Variants in PRKN observed in about 807,000 individuals in gnomAD.
PRKN encodes parkin RBR E3 ubiquitin protein ligase, also known as E3 ubiquitin-protein ligase parkin.
PRKN carries 56 observed loss-of-function variants against 59.5 expected under a neutral mutation model. That is an observed-to-expected ratio of 0.94 (90% CI 0.76 to 1.18). The LOEUF (loss-of-function observed/expected upper bound fraction) is 1.18. Ranked by LOEUF, PRKN falls within the 50% of genes most tolerant of loss-of-function variation. PRKN has a pLI of 0.00. For synonymous variants in PRKN, 250 were observed against 222.1 expected (o/e 1.13, Z -1.12); for missense variants, 657 against 596.4 (o/e 1.10, Z -1.06).
At chr6:161,537,537 T>C (rs192071390) in intron 9 of PRKN, among the ~76,000 whole-genome samples, 28 of 152,050 alleles carry the variant, frequency 1.8e-4, no homozygotes, top group East Asian at 7.8e-4. Flanking sequence ...CTGCAAGCTC[T>C]GCCTCCCAGG....
chr6:162,137,255 A>T (rs1395198437), intron 4 of PRKN, among the ~76,000 whole-genome samples: 1 of 152,216 alleles, frequency 6.6e-6, no homozygotes, highest in Non-Finnish European at 1.5e-5. Flanking sequence ...TTAGAAATCA[A>T]ACAAGTCTGG....
intron 2 of PRKN, among the ~76,000 whole-genome samples, chr6:162,392,036 A>G (rs1354368381): frequency 6.6e-6 from 1 of 150,926 alleles, no homozygotes; most frequent in Non-Finnish European, 1.5e-5. Flanking sequence ...CCATTTCATG[A>G]TTTTTTTTTC....
rs77930367 is a variant in PRKN, at chr6:162,603,525, G to T, written c.7+124137C>A. ...GAGTAGATGGGACAAAGAACCTTAC[G>T]GCCCCCAAAGCTGAAAATATTTACC... On this transcript the variant is annotated intron_variant, in intron 1 of 11. Coordinates refer to ENST00000366898, the MANE Select transcript of PRKN (RefSeq NM_004562.3). Among the ~76,000 whole-genome samples, 808 of 152,162 alleles carry T rather than the reference G, an allele frequency of 5.3e-3. 23 individuals are homozygous for T. The East Asian group carries it at 0.066, about 12-fold the overall frequency.
intron 7 of PRKN, among the ~76,000 whole-genome samples, chr6:161,652,305 T>C (rs1784178082): frequency 1.3e-5 from 2 of 152,068 alleles, no homozygotes; most frequent in Admixed American, 1.3e-4. Context: ...CAGCAGAAAA[T>C]GCAAGTCAAG....
Position 161,593,046 on chromosome 6 carries a change from G to A in PRKN, c.872-23630C>T, listed in dbSNP as rs540044051. On this transcript the variant is annotated intron_variant, in intron 7 of 11. Coordinates refer to ENST00000366898, the MANE Select transcript of PRKN (RefSeq NM_004562.3). The surrounding 1 kb of genome is among the most constrained non-coding windows in gnomAD (Gnocchi z 4.8). The stretch of plus-strand genomic sequence containing the variant: ...AAGAGTTGTAACGACTGCACAGAGC[G>A]TCCTCAGATGCGCTGCACCCCACGT... Among the ~76,000 whole-genome samples, 34 of 152,254 alleles carry A rather than the reference G, an allele frequency of 2.2e-4. No individual in the cohort carries two copies. Among genetic ancestry groups the A allele is most frequent in the African/African-American group, 7.0e-4 (29 of 41,538 alleles).
chr6:162,047,619 T>C (rs1777438034), intron 5 of PRKN, among the ~76,000 whole-genome samples: 1 of 150,858 alleles, frequency 6.6e-6, no homozygotes, highest in Non-Finnish European at 1.5e-5. Flanking sequence ...TTTCTGTGAT[T>C]CTAATGAAGT....
intron 1 of PRKN, among the ~76,000 whole-genome samples, chr6:162,673,874 T>C (rs941018982): frequency 2.0e-5 from 3 of 152,196 alleles, no homozygotes; most frequent in African/African-American, 4.8e-5. Flanking sequence ...GTGTTTAAAA[T>C]GTAAAACTTC....
intron 10 of PRKN, among the ~76,000 whole-genome samples, chr6:161,380,623 T>G (rs775413024): frequency 2.6e-5 from 4 of 152,124 alleles, no homozygotes; most frequent in Non-Finnish European, 5.9e-5. Flanking sequence ...GTACTGAGCA[T>G]CCTTCTTCTT....
At position 161,708,551 on chromosome 6, in the gene PRKN, A is replaced by G. The variant is rs142178641; in HGVS notation, c.871+77221T>C. On this transcript the variant is annotated intron_variant, in intron 7 of 11. Transcript: ENST00000366898. ...TATTTCTGGACTTAGTGACATTGCA[A>G]CAGGAACGTCATTCACTTAACCGTT... Among the ~76,000 whole-genome samples, 25 of 152,122 alleles carry G rather than the reference A, an allele frequency of 1.6e-4. No individual in the cohort carries two copies. In the East Asian group the frequency reaches 4.8e-3, roughly 29 times the overall value.
intron 5 of PRKN, among the ~76,000 whole-genome samples, chr6:161,992,771 AC>A (rs1199661820): frequency 1.3e-5 from 2 of 152,322 alleles, no homozygotes; most frequent in Admixed American, 1.3e-4. Context: ...TCAGACAACA[AC>A]AGAATAAAAC....
At chr6:162,666,244 T>C (rs1258467389) in intron 1 of PRKN, among the ~76,000 whole-genome samples, 1 of 152,156 alleles carries the variant, frequency 6.6e-6, no homozygotes, top group Non-Finnish European at 1.5e-5. Flanking sequence ...GAATGCGGCA[T>C]GCTTTATAAG....
intron 4 of PRKN, among the ~76,000 whole-genome samples, chr6:162,096,450 C>T (rs1041192812): frequency 7.2e-5 from 11 of 152,192 alleles, no homozygotes; most frequent in African/African-American, 2.7e-4. Flanking sequence ...ACTCCTATTT[C>T]AAGGACTAAC....
At chr6:161,570,124 T>TAA (rs55699586) in intron 7 of PRKN, among the ~76,000 whole-genome samples, 149 of 51,358 alleles carry the variant, frequency 2.9e-3, no homozygotes, top group Middle Eastern at 0.019. Context: ...AGTAAATAGG[T>TAA]AAAAAAAAAA....
At chr6:162,665,572 T>C (rs1001141916) in intron 1 of PRKN, among the ~76,000 whole-genome samples, 1 of 152,106 alleles carries the variant, frequency 6.6e-6, no homozygotes, top group Non-Finnish European at 1.5e-5. Context: ...CCCTCATGGA[T>C]AGGAACAATC....
chr6:162,673,898 AG>A (rs1263312992), intron 1 of PRKN, among the ~76,000 whole-genome samples: 2 of 152,188 alleles, frequency 1.3e-5, no homozygotes, highest in Admixed American at 1.3e-4. Flanking sequence ...TCAAGCCAGC[AG>A]GAGTCAAAGC....
At chr6:162,303,241 T>C (rs1416790518) in intron 2 of PRKN, among the ~76,000 whole-genome samples, 3 of 152,192 alleles carry the variant, frequency 2.0e-5, no homozygotes, top group Non-Finnish European at 4.4e-5. Context: ...TATTATTTTA[T>C]CCCTTATCAT....
chr6:161,877,626 ATTTTT>A (rs370593490), intron 6 of PRKN, among the ~76,000 whole-genome samples: 3 of 148,868 alleles, frequency 2.0e-5, no homozygotes, highest in African/African-American at 7.4e-5. Flanking sequence ...AGCCTGGCTA[ATTTTT>A]TTTTTCTTTT....
Position 162,648,375 on chromosome 6 carries a change from G to T in PRKN, c.7+79287C>A, listed in dbSNP as rs557467764. 3.2e-5 allele frequency among the ~76,000 whole-genome samples: 4 copies of T among 125,262 alleles called. No individual in the cohort carries two copies. In the East Asian group the frequency reaches 1.0e-3, roughly 33 times the overall value. 82.2% of individuals were successfully genotyped at this position (125,262 alleles called of 152,430 possible). The stretch of plus-strand genomic sequence containing the variant: ...CTCCTCTGAGGTAATTAAATCCTTG[G>T]TGTTCTTTCTTTTTTTATTTTTTTA... On this transcript the variant is annotated intron_variant, in intron 1 of 11. Transcript: ENST00000366898.
chr6:162,642,866 T>C (rs1239645391), intron 1 of PRKN, among the ~76,000 whole-genome samples: 2 of 152,066 alleles, frequency 1.3e-5, no homozygotes, highest in Non-Finnish European at 2.9e-5. Flanking sequence ...TACTCTGAAT[T>C]TTCTAAATTT....
Sources: allele counts gnomAD v4.1 joint callset (sites outside exome capture counted in the v4.1 genomes callset), GRCh38; gene constraint gnomAD v4.1.1; non-coding constraint Gnocchi (gnomAD v3.1); transcripts MANE v1.5; gene names NCBI Gene and HGNC (gene_info 2026-07-23, HGNC 2026-07-21).